SOX6: variants seen among roughly 807,000 people sequenced by gnomAD.
SOX6 encodes SRY-box transcription factor 6.
Under a neutral mutation model 97.8 loss-of-function variants are expected in SOX6, and 11 were observed. That is an observed-to-expected ratio of 0.11 (90% CI 0.07 to 0.19). SOX6 has a LOEUF of 0.19. Among genes scored for constraint, SOX6 ranks in the 10% least tolerant of loss-of-function variants. SOX6 has a pLI of 1.00. For missense variants in SOX6, 810 were observed against 1,039.5 expected, an observed-to-expected ratio of 0.78 and a Z score of 3.04; for synonymous variants, 360 against 371.4, an observed-to-expected ratio of 0.97 and a Z score of 0.35.
intron 4 of SOX6, among the ~76,000 whole-genome samples, chr11:16,509,134 C>A (rs2133149819): frequency 1.3e-5 from 2 of 151,718 alleles, no homozygotes; most frequent in Middle Eastern, 6.8e-3. Flanking sequence ...CCTTTTGTAC[C>A]TTTAGAAATG....
intron 1 of SOX6, among the ~76,000 whole-genome samples, chr11:16,447,943 C>G (rs1389294878): frequency 6.6e-6 from 1 of 152,196 alleles, no homozygotes; most frequent in African/African-American, 2.4e-5. Flanking sequence ...AGAAACAGAG[C>G]TAATCAAGTT....
intron 4 of SOX6, among the ~76,000 whole-genome samples, chr11:16,491,544 C>G (rs924029130): frequency 6.6e-6 from 1 of 151,264 alleles, no homozygotes; most frequent in African/African-American, 2.4e-5. Flanking sequence ...TGTGTGTGTG[C>G]CTAATATAGT....
chr11:16,694,887 A>C, intron 3 of SOX6, among the ~76,000 whole-genome samples: 1 of 152,234 alleles, frequency 6.6e-6, no homozygotes. Context: ...TTTCCTTCTC[A>C]TTATTCCCTA....
intron 9 of SOX6, among the ~76,000 whole-genome samples, chr11:16,059,045 T>C (rs1026471573): frequency 6.6e-6 from 1 of 152,106 alleles, no homozygotes; most frequent in Non-Finnish European, 1.5e-5. Flanking sequence ...TGGGCTTGAT[T>C]CTTTTTGGCT....
At chr11:16,096,619 T>A (rs1446311114) in intron 8 of SOX6, among the ~76,000 whole-genome samples, 1 of 151,846 alleles carries the variant, frequency 6.6e-6, no homozygotes, top group Non-Finnish European at 1.5e-5. Flanking sequence ...ACATTCAAAA[T>A]GATGTTTTTT....
At chr11:16,102,742 A>T (rs1313377185) in intron 7 of SOX6, among the ~76,000 whole-genome samples, 1 of 152,078 alleles carries the variant, frequency 6.6e-6, no homozygotes, top group East Asian at 1.9e-4. Context: ...CAGCCAACTG[A>T]TCTTCAACAA....
chr11:16,346,810 T>C (rs1444018197), intron 1 of SOX6, among the ~76,000 whole-genome samples: 2 of 152,048 alleles, frequency 1.3e-5, no homozygotes, highest in African/African-American at 4.8e-5. Flanking sequence ...TGAAATACAT[T>C]TGAAGCCCTT....
At chr11:16,306,356 G>A (rs1023121364) in intron 3 of SOX6, among the ~76,000 whole-genome samples, 2 of 152,194 alleles carry the variant, frequency 1.3e-5, no homozygotes, top group Non-Finnish European at 1.5e-5. Flanking sequence ...GATAAATGCA[G>A]TGGTGTACAG....
Position 15,967,382 on chromosome 11 carries a change from A to C in SOX6, c.*5427T>G, listed in dbSNP as rs1209268184. On this transcript the variant is annotated 3_prime_UTR_variant, in exon 16 of 16. Coordinates refer to ENST00000683767, the MANE Select transcript of SOX6 (RefSeq NM_001367873.1). ...ACAGCAGCCAGCATGTCAGTCCAGC[A>C]TGTCAGTGAATTGTGCTGATTAAAT... is the stretch of plus-strand genomic sequence containing the variant. 6.6e-6 allele frequency: 1 copy of C among 152,236 alleles called. No individual in the cohort carries two copies. Among genetic ancestry groups the C allele is most frequent in the African/African-American group, 2.4e-5 (1 of 41,462 alleles). The allele number at this position is 152,236 out of a possible 1,614,324, so 9.4% of individuals were successfully genotyped here.
At chr11:16,124,226 C>G (rs1849557808) in intron 6 of SOX6, among the ~76,000 whole-genome samples, 1 of 152,090 alleles carries the variant, frequency 6.6e-6, no homozygotes, top group Admixed American at 6.6e-5. Context: ...AGACCTGACA[C>G]TATTGTAGGC....
rs1855104123 is a variant in SOX6 at position 16,022,692 on chromosome 11, C to A, written c.1624-7642G>T. 2.0e-5 allele frequency among the ~76,000 whole-genome samples: 3 copies of A among 152,148 alleles called. No individual in the cohort carries two copies. In the South Asian group the frequency reaches 6.2e-4, roughly 32 times the overall value. Reference sequence around the variant, plus strand: ...CCTCCCAAAGTGCTGGGATTACAGGCATGAGCCACTGCGCCCAATCAATGC... The same window carrying A: ...CCTCCCAAAGTGCTGGGATTACAGGAATGAGCCACTGCGCCCAATCAATGC... On this transcript the variant is annotated intron_variant, in intron 12 of 15. Coordinates refer to ENST00000683767, the MANE Select transcript of SOX6 (RefSeq NM_001367873.1).
At chr11:16,076,013 G>A (rs1298866875) in intron 9 of SOX6, among the ~76,000 whole-genome samples, 1 of 152,100 alleles carries the variant, frequency 6.6e-6, no homozygotes, top group African/African-American at 2.4e-5. Context: ...TACAATTCAA[G>A]ATGAGATTTA....
intron 6 of SOX6, among the ~76,000 whole-genome samples, chr11:16,164,864 C>T (rs12577528): frequency 0.084 from 12,682 of 151,226 alleles, 1,114 homozygotes; most frequent in East Asian, 0.37. Context: ...AGAAAGTCCA[C>T]AGAGAGACAA....
chr11:16,341,516 T>G (rs1334501802), intron 1 of SOX6, among the ~76,000 whole-genome samples: 2 of 152,088 alleles, frequency 1.3e-5, no homozygotes, highest in East Asian at 3.9e-4. Flanking sequence ...GAGTAAGTTT[T>G]CATAATGGAC....
At chr11:16,318,372 CTT>C (rs34820506) in intron 3 of SOX6, 72 bp downstream of exon 3, 7,882 of 1,332,414 alleles carry the variant, frequency 5.9e-3, no homozygotes, top group Non-Finnish European at 6.7e-3. Flanking sequence ...TGAAATCCCA[CTT>C]TTTTTTTTTT....
chr11:15,984,210 C>T (rs1290172479), intron 15 of SOX6, among the ~76,000 whole-genome samples: 1 of 152,102 alleles, frequency 6.6e-6, no homozygotes, highest in East Asian at 1.9e-4. Context: ...TTTATTTTTA[C>T]ATGCATTGGT....
At chr11:16,649,668 C>A (rs957218730) in intron 3 of SOX6, among the ~76,000 whole-genome samples, 6 of 151,960 alleles carry the variant, frequency 3.9e-5, no homozygotes, top group Non-Finnish European at 8.8e-5. Context: ...CAAAACAGAA[C>A]TTCCTTAAAG....
chr11:16,171,025 T>A (rs545545441), intron 6 of SOX6, among the ~76,000 whole-genome samples: 2 of 152,146 alleles, frequency 1.3e-5, no homozygotes, highest in East Asian at 3.9e-4. Flanking sequence ...TTGTCCATAA[T>A]TATTAAAATA....
At chr11:16,390,802 G>C (rs1330473718) in intron 1 of SOX6, among the ~76,000 whole-genome samples, 1 of 152,132 alleles carries the variant, frequency 6.6e-6, no homozygotes, top group African/African-American at 2.4e-5. Flanking sequence ...CAAGGATCTA[G>C]AACCAGAAAT....
Sources: allele counts gnomAD v4.1 joint callset (sites outside exome capture counted in the v4.1 genomes callset), GRCh38; gene constraint gnomAD v4.1.1; transcripts MANE v1.5; gene names NCBI Gene and HGNC (gene_info 2026-07-23, HGNC 2026-07-21).